VASH2: variants seen among roughly 807,000 people sequenced by gnomAD.
VASH2 encodes vasohibin 2.
VASH2 carries 28 observed loss-of-function variants against 37.2 expected under a neutral mutation model. The ratio of observed to expected loss-of-function variants is 0.75; its 90% CI spans 0.56 to 1.03. The LOEUF is 1.03. Among genes scored for constraint, VASH2 ranks in the 50% least tolerant of loss-of-function variants. The pLI is 0.00. For missense variants in VASH2, 419 were observed against 459.1 expected (o/e 0.91, Z 0.80); for synonymous variants, 188 against 174.7 (o/e 1.08, Z -0.60).
chr1:212,973,067 C>T, intron 6 of VASH2, 106 bp downstream of exon 6: 1 of 1,447,696 alleles, frequency 6.9e-7, no homozygotes, highest in East Asian at 2.4e-5. Context: ...CCAAAAATTT[C>T]TTGAGGTTAA....
chr1:212,981,713 G>C (rs553272198), intron 7 of VASH2, among the ~76,000 whole-genome samples: 1 of 152,150 alleles, frequency 6.6e-6, no homozygotes, highest in Non-Finnish European at 1.5e-5. Flanking sequence ...AGCACCTGCC[G>C]GCACACGTAC....
intron 7 of VASH2, among the ~76,000 whole-genome samples, chr1:212,986,533 G>C (rs764276436): frequency 6.6e-6 from 1 of 152,196 alleles, no homozygotes; most frequent in Non-Finnish European, 1.5e-5. Context: ...CTGAGGGCTA[G>C]GGTAGGAATA....
At position 212,970,042 on chromosome 1, in the gene VASH2, G is replaced by T. The variant is rs148205047; in HGVS notation, c.498-2538G>T. Among the ~76,000 whole-genome samples the T allele has an allele frequency of 9.8e-5, 15 of 152,304 alleles. 1 individual carries two copies. Among genetic ancestry groups the T allele is most frequent in the African/African-American group, 3.4e-4 (14 of 41,570 alleles). ...TGAACTATGGCAGGTATTTTGGGGG[G>T]CCTCACTGGCCATGGTGGGGCTTGC... On this transcript the variant is annotated intron_variant, in intron 5 of 7. Transcript: ENST00000517399.
chr1:212,958,872 C>T (rs1666578098), intron 2 of VASH2, among the ~76,000 whole-genome samples: 1 of 151,978 alleles, frequency 6.6e-6, no homozygotes, highest in Non-Finnish European at 1.5e-5. Context: ...CATCACCATG[C>T]TCGGCTAATT....
intron 7 of VASH2, 129 bp from the exon 8 acceptor site, chr1:212,988,383 G>A (rs763860869): frequency 2.3e-6 from 2 of 886,602 alleles, no homozygotes; most frequent in East Asian, 2.7e-5. Flanking sequence ...GGCTGGCAGG[G>A]TGGGGGAATG....
In VASH2 at chr1:212,951,770, G is replaced by C. The variant is rs764922504; in HGVS notation, c.228G>C (p.Lys76Asn). Residue 76 changes from lysine to asparagine, a missense_variant, in exon 2 of 8, where the codon AAG (lysine) becomes AAC (asparagine). This residue lies in a region of VASH2 where 158 missense variants were observed against 163.0 expected (regional missense o/e 0.97). Coordinates refer to ENST00000517399, the MANE Select transcript of VASH2 (RefSeq NM_001301056.2). The surrounding 1 kb of genome is among the most constrained non-coding windows in gnomAD (Gnocchi z 4.4). ...TGCACGTGGCCAAGGTGCACCCTAA[G>C]GGGGGAGAAATGGTGGGCGCCATCA... The part of the protein sequence containing the change: ...MWMHVAKVHP[K>N]GGEMVGAIRN... 1.2e-5 allele frequency: 19 copies of C among 1,608,902 alleles called. No individual in the cohort carries two copies. The highest frequency in any genetic ancestry group is 1.4e-5 in the Non-Finnish European group (17 of 1,178,698).
intron 3 of VASH2, 61 bp from the exon 4 acceptor site, chr1:212,965,661 C>A: frequency 6.9e-7 from 1 of 1,442,838 alleles, no homozygotes; most frequent in Non-Finnish European, 9.5e-7. Flanking sequence ...ATAGCTTTCT[C>A]TGCCACATTA....
chr1:212,981,586 C>T (rs986359673), intron 7 of VASH2, among the ~76,000 whole-genome samples: 1 of 152,198 alleles, frequency 6.6e-6, no homozygotes, highest in Admixed American at 6.5e-5. Context: ...ACATTCTTAA[C>T]ATCCGGGATT....
chr1:212,961,407 A>T, intron 3 of VASH2, 153 bp downstream of exon 3: 1 of 1,491,966 alleles, frequency 6.7e-7, no homozygotes, highest in Non-Finnish European at 8.9e-7. Context: ...GGAGTCTAGA[A>T]AGAGTGTGCG....
chr1:212,973,984 G>T lies in VASH2; in HGVS notation c.909G>T (p.Pro303=). ...KILKPASAHS[P]TQVRSRGKSL... ...TGAAACCTGCAAGTGCCCACTCTCC[G>T]ACCCAAGTGAGAAGCCGGGGAAAAT... is the stretch of plus-strand genomic sequence containing the variant. The change falls in exon 7 of 8, where the codon CCG becomes CCT. Residue 303 remains proline (P), a synonymous_variant. Coordinates refer to ENST00000517399, the MANE Select transcript of VASH2 (RefSeq NM_001301056.2). 1.9e-6 allele frequency: 3 copies of T among 1,613,758 alleles called. No individual in the cohort carries two copies. The South Asian group carries it at 3.3e-5, about 18-fold the overall frequency.
chr1:212,989,711 A>G lies in VASH2; in HGVS notation c.*1127A>G, dbSNP rs1417401196. ...TTTAGGAATGAGTATTGGAAAATATAAAGAATTAGAAAAGCAGCACTTTTT... is the reference window on the plus strand; with the variant it reads ...TTTAGGAATGAGTATTGGAAAATATGAAGAATTAGAAAAGCAGCACTTTTT... On this transcript the variant is annotated 3_prime_UTR_variant, in exon 8 of 8. Transcript: ENST00000517399. 6.6e-6 allele frequency: 1 copy of G among 152,204 alleles called. No individual in the cohort carries two copies. The highest frequency in any genetic ancestry group is 1.5e-5 in the Non-Finnish European group (1 of 68,044). The allele number at this position is 152,204 out of a possible 1,614,324, so 9.4% of individuals were successfully genotyped here.
chr1:212,979,865 G>GATTCATGTTTCAAAGGC (rs150185263), intron 7 of VASH2, among the ~76,000 whole-genome samples: 30 of 152,274 alleles, frequency 2.0e-4, no homozygotes, highest in African/African-American at 6.7e-4. Flanking sequence ...GGGAGGTTGA[G>GATTCATGTTTCAAAGGC]ATTCATGTTT....
At chr1:212,985,562 A>G (rs1020983752) in intron 7 of VASH2, among the ~76,000 whole-genome samples, 2 of 151,888 alleles carry the variant, frequency 1.3e-5, no homozygotes, top group African/African-American at 4.8e-5. Flanking sequence ...GACTACAGGA[A>G]TGCGCCATCA....
chr1:212,979,639 T>C (rs770759383), intron 7 of VASH2, among the ~76,000 whole-genome samples: 15 of 152,162 alleles, frequency 9.9e-5, no homozygotes, highest in Non-Finnish European at 1.8e-4. Flanking sequence ...GAGAGGAGGA[T>C]CAGTGTCACT....
At chr1:212,955,735 C>T (rs77140630) in intron 2 of VASH2, among the ~76,000 whole-genome samples, 2,661 of 152,276 alleles carry the variant, frequency 0.017, 99 homozygotes, top group African/African-American at 0.06. Context: ...TTTAGAGGAC[C>T]GAGCTTCACC....
intron 7 of VASH2, among the ~76,000 whole-genome samples, chr1:212,980,370 T>G (rs543731890): frequency 6.6e-6 from 1 of 152,300 alleles, no homozygotes; most frequent in East Asian, 1.9e-4. Flanking sequence ...CTCTCCCCTG[T>G]GTGGCTGCTT....
intron 7 of VASH2, among the ~76,000 whole-genome samples, chr1:212,979,853 G>A (rs2102654532): frequency 6.6e-6 from 1 of 152,302 alleles, no homozygotes; most frequent in Middle Eastern, 3.4e-3. Context: ...GAGAAAGGGA[G>A]AGGGAGGTTG....
At chr1:212,954,145 TC>T (rs1666411821) in intron 2 of VASH2, among the ~76,000 whole-genome samples, 1 of 152,206 alleles carries the variant, frequency 6.6e-6, no homozygotes, top group African/African-American at 2.4e-5. Context: ...ACTTCTAGGC[TC>T]GAGCGATTCT....
chr1:212,967,300 A>T (rs1419233877), intron 5 of VASH2: 8 of 1,253,994 alleles, frequency 6.4e-6, no homozygotes, highest in Non-Finnish European at 8.3e-6. Flanking sequence ...ACATTCGAGC[A>T]TCATGCCATT....
Sources: gnomAD v4.1 joint callset for allele counts (sites outside exome capture counted in the v4.1 genomes callset) on GRCh38, gnomAD v4.1.1 for gene constraint, gnomAD v4.1.1 regional missense constraint, Gnocchi (gnomAD v3.1) non-coding constraint, MANE v1.5 for transcripts, NCBI Gene and HGNC (gene_info 2026-07-23, HGNC 2026-07-21) for gene names.